PCDHA13: variants seen among roughly 807,000 people sequenced by gnomAD.
The protein encoded by PCDHA13 is protocadherin alpha 13.
PCDHA13 carries 54 observed loss-of-function variants against 64.8 expected under a neutral mutation model. The ratio of observed to expected loss-of-function variants is 0.83; its 90% CI spans 0.67 to 1.04. The LOEUF is 1.04. Ranked by LOEUF, PCDHA13 falls within the 50% of genes least tolerant of loss-of-function variation. The pLI is 0.00. For missense variants in PCDHA13, 1,248 were observed against 1,254.3 expected (o/e 0.99, Z 0.08); for synonymous variants, 587 against 564.4 (o/e 1.04, Z -0.57).
rs1554263795 is a variant in PCDHA13 at position 141,012,061 on chromosome 5, C to T, written c.*2124C>T. 1 of 153,730 alleles carries T rather than the reference C, an allele frequency of 6.5e-6. No homozygotes were observed. The highest frequency in any genetic ancestry group is 1.9e-4 in the East Asian group (1 of 5,194). The allele number at this position is 153,730 out of a possible 1,614,324, so 9.5% of individuals were successfully genotyped here. A position where few individuals can be genotyped will look rare whatever the true frequency, so the allele number is the denominator to read the frequency against. The stretch of plus-strand genomic sequence containing the variant: ...CATGGGGTAAAACTTGTTACCAACA[C>T]ATGTGAACCATTGCTACATTGTAGG... On this transcript the variant is annotated 3_prime_UTR_variant, in exon 4 of 4. Coordinates refer to ENST00000289272, the MANE Select transcript of PCDHA13 (RefSeq NM_018904.3).
At chr5:141,009,036 T>C (rs782309668) in intron 3 of PCDHA13, among the ~76,000 whole-genome samples, 7 of 152,242 alleles carry the variant, frequency 4.6e-5, no homozygotes, top group Non-Finnish European at 1.0e-4. Context: ...TCCCATCCCG[T>C]TCCCAGTCAA....
At chr5:140,985,670 G>A (rs1554247237) in intron 3 of PCDHA13, among the ~76,000 whole-genome samples, 1 of 152,024 alleles carries the variant, frequency 6.6e-6, no homozygotes, top group East Asian at 1.9e-4. Flanking sequence ...AAAGGAAGTG[G>A]GGCCTGCCTT....
chr5:140,989,010 A>G (rs2097325577), intron 3 of PCDHA13: 1 of 152,226 alleles, frequency 6.6e-6, no homozygotes, highest in Non-Finnish European at 1.5e-5. Context: ...GAGACTTATT[A>G]TAGTTTCTTC....
intron 1 of PCDHA13, chr5:140,928,280 C>G (rs781831365): frequency 6.2e-7 from 1 of 1,614,194 alleles, no homozygotes; most frequent in East Asian, 2.2e-5. Context: ...CCTGGGGCCT[C>G]TCTAGGCCGA....
chr5:140,927,811 G>A, intron 1 of PCDHA13: 1 of 1,614,186 alleles, frequency 6.2e-7, no homozygotes, highest in Non-Finnish European at 8.5e-7. Context: ...AACGCTCTTG[G>A]AGGCATACAT....
intron 1 of PCDHA13, among the ~76,000 whole-genome samples, chr5:140,973,873 G>A (rs546928847): frequency 3.3e-5 from 5 of 152,292 alleles, no homozygotes; most frequent in African/African-American, 1.2e-4. Flanking sequence ...TGAGAGGTCA[G>A]AATAATGTCA....
chr5:140,934,833 G>C (rs1584817572), intron 1 of PCDHA13, among the ~76,000 whole-genome samples: 1 of 152,100 alleles, frequency 6.6e-6, no homozygotes, highest in Admixed American at 6.5e-5. Context: ...GGCAAGTTGG[G>C]AACTGTTCAG....
chr5:140,942,588 A>G lies in PCDHA13; in HGVS notation c.2395-36361A>G, dbSNP rs1416575390. Among the ~76,000 whole-genome samples the G allele has an allele frequency of 2.0e-5, 3 of 149,704 alleles. No homozygotes were observed. The East Asian group carries it at 5.9e-4, about 29-fold the overall frequency. ...AAAATCTTCCCATATAGGATGTCAC[A>G]TATAATTATAGTGTTTATATTTGCC... On this transcript the variant is annotated intron_variant, in intron 1 of 3. Transcript: ENST00000289272.
chr5:140,955,493 T>G (rs1554221955), intron 1 of PCDHA13, among the ~76,000 whole-genome samples: 1 of 152,190 alleles, frequency 6.6e-6, no homozygotes, highest in African/African-American at 2.4e-5. Flanking sequence ...CCTGCCACCA[T>G]GTGAAGAAAG....
intron 3 of PCDHA13, among the ~76,000 whole-genome samples, chr5:140,992,294 G>C (rs2097504138): frequency 1.3e-5 from 2 of 152,190 alleles, no homozygotes; most frequent in African/African-American, 4.8e-5. Context: ...CAAAGGATGG[G>C]AGTATTGTTT....
chr5:140,905,368 T>G (rs536118800), intron 1 of PCDHA13, among the ~76,000 whole-genome samples: 47 of 152,336 alleles, frequency 3.1e-4, no homozygotes, highest in Non-Finnish European at 4.6e-4. Flanking sequence ...TATTTCTGGT[T>G]CTCTGTTCTG....
Position 141,000,421 on chromosome 5 carries a change from A to ATTTTTTT in PCDHA13, c.2543-9189_2543-9183dup, listed in dbSNP as rs34755515. Among the ~76,000 whole-genome samples the ATTTTTTT allele has an allele frequency of 5.7e-4, 16 of 27,980 alleles. 1 individual carries two copies. Among genetic ancestry groups the ATTTTTTT allele is most frequent in the African/African-American group, 8.9e-4 (5 of 5,638 alleles). 18.4% of individuals were successfully genotyped at this position (27,980 alleles called of 152,430 possible). ...TATATATATATATATATATATATAT[A>ATTTTTTT]TTTTTTTTTTTTTTTTTTTTTTTGA... On this transcript the variant is annotated intron_variant, in intron 3 of 3. Coordinates refer to ENST00000289272, the MANE Select transcript of PCDHA13 (RefSeq NM_018904.3).
intron 1 of PCDHA13, among the ~76,000 whole-genome samples, chr5:140,920,387 A>C (rs1163833842): frequency 6.6e-6 from 1 of 152,216 alleles, no homozygotes; most frequent in East Asian, 1.9e-4. Flanking sequence ...TCATATTACC[A>C]TCTGGTGTCT....
chr5:140,890,439 A>C lies in PCDHA13; in HGVS notation c.2394+5777A>C, dbSNP rs114755692. On this transcript the variant is annotated intron_variant, in intron 1 of 3. Coordinates refer to ENST00000289272, the MANE Select transcript of PCDHA13 (RefSeq NM_018904.3). The stretch of plus-strand genomic sequence containing the variant: ...TATTTAGTTTATATTTACAATACCT[A>C]GTGATATCTTTAGGCACAAATATTT... 7.6e-3 allele frequency among the ~76,000 whole-genome samples: 1,153 copies of C among 152,326 alleles called. 6 individuals are homozygous for C. Among genetic ancestry groups the C allele is most frequent in the Non-Finnish European group, 0.013 (886 of 68,014 alleles).
intron 3 of PCDHA13, among the ~76,000 whole-genome samples, chr5:141,006,117 T>C (rs2098255751): frequency 6.6e-6 from 1 of 152,094 alleles, no homozygotes; most frequent in African/African-American, 2.4e-5. Flanking sequence ...TTTTTTTTTT[T>C]TTCTCAAGGC....
intron 3 of PCDHA13, among the ~76,000 whole-genome samples, chr5:140,984,583 T>C (rs2097109355): frequency 6.6e-6 from 1 of 152,200 alleles, no homozygotes; most frequent in South Asian, 2.1e-4. Context: ...AACCTAATCA[T>C]ACTTTTCAAT....
At chr5:140,964,584 A>G (rs1347418719) in intron 1 of PCDHA13, among the ~76,000 whole-genome samples, 2 of 152,132 alleles carry the variant, frequency 1.3e-5, no homozygotes, top group African/African-American at 4.8e-5. Context: ...GGGAGGAAAG[A>G]TCACTTTTCA....
chr5:140,956,678 A>C (rs1442214825), intron 1 of PCDHA13, among the ~76,000 whole-genome samples: 2 of 152,104 alleles, frequency 1.3e-5, no homozygotes, highest in Non-Finnish European at 2.9e-5. Context: ...GTTAGGGAGG[A>C]GTACCTCCTT....
At position 140,946,316 on chromosome 5, in the gene PCDHA13, G is replaced by C. The variant is rs1293160526; in HGVS notation, c.2395-32633G>C. ...CACACCTGGTAGAATGGCTATTATTGAAAGAGGAAAGATAACAAGTGATGG... is the reference window on the plus strand; with the variant it reads ...CACACCTGGTAGAATGGCTATTATTCAAAGAGGAAAGATAACAAGTGATGG... On this transcript the variant is annotated intron_variant, in intron 1 of 3. Transcript: ENST00000289272. Among the ~76,000 whole-genome samples, 3 of 151,662 alleles carry C rather than the reference G, an allele frequency of 2.0e-5. No individual in the cohort carries two copies. In the East Asian group the frequency reaches 5.8e-4, roughly 29 times the overall value.
Sources: allele counts gnomAD v4.1 joint callset (sites outside exome capture counted in the v4.1 genomes callset), GRCh38; gene constraint gnomAD v4.1.1; transcripts MANE v1.5; gene names NCBI Gene and HGNC (gene_info 2026-07-23, HGNC 2026-07-21).